Variants in CACNG2 observed in about 807,000 individuals in gnomAD.
CACNG2 encodes calcium voltage-gated channel auxiliary subunit gamma 2.
CACNG2 carries 3 observed loss-of-function variants against 25.9 expected under a neutral mutation model. The ratio of observed to expected loss-of-function variants is 0.12; its 90% CI spans 0.05 to 0.30. The LOEUF (loss-of-function observed/expected upper bound fraction) is 0.30. Ranked by LOEUF, CACNG2 falls within the 10% of genes least tolerant of loss-of-function variation. The pLI is 1.00. For missense variants in CACNG2, 341 were observed against 432.5 expected, an observed-to-expected ratio of 0.79 and a Z score of 1.88; for synonymous variants, 167 against 173.3, an observed-to-expected ratio of 0.96 and a Z score of 0.29.
At chr22:36,622,253 C>T (rs576756304) in intron 1 of CACNG2, among the ~76,000 whole-genome samples, 14 of 152,344 alleles carry the variant, frequency 9.2e-5, no homozygotes, top group Admixed American at 8.5e-4. Flanking sequence ...TACTTGAAAT[C>T]GGCAGTTCTC....
chr22:36,659,766 T>G (rs954798723), intron 1 of CACNG2, among the ~76,000 whole-genome samples: 1 of 152,112 alleles, frequency 6.6e-6, no homozygotes, highest in Non-Finnish European at 1.5e-5. Flanking sequence ...AATGCCAGCC[T>G]GTGCCAACTG....
At chr22:36,603,754 C>A (rs1236278618) in intron 1 of CACNG2, among the ~76,000 whole-genome samples, 3 of 152,152 alleles carry the variant, frequency 2.0e-5, no homozygotes, top group Non-Finnish European at 4.4e-5. Context: ...ATATTTTAAG[C>A]CCGCTATTAA....
chr22:36,660,798 C>A (rs940821527), intron 1 of CACNG2, among the ~76,000 whole-genome samples: 1 of 152,230 alleles, frequency 6.6e-6, no homozygotes, highest in African/African-American at 2.4e-5. Flanking sequence ...CTTCCCTCAT[C>A]CCAGTCCTCA....
rs141783987 is a variant in CACNG2 at position 36,702,857 on chromosome 22, G to GAA, written c.-283_-282dup. On this transcript the variant is annotated 5_prime_UTR_variant, in exon 1 of 4. Coordinates refer to ENST00000300105, the MANE Select transcript of CACNG2 (RefSeq NM_006078.5). ...AGTGTTTTTTTTTTAAAAAGAAAAG[G>GAA]AAAAAAAAAATAAAAAGACACCCCC... 278 of 223,962 alleles carry GAA rather than the reference G, an allele frequency of 1.2e-3. No individual in the cohort carries two copies. Among genetic ancestry groups the GAA allele is most frequent in the South Asian group, 3.0e-3 (36 of 11,954 alleles). 13.9% of individuals were successfully genotyped at this position (223,962 alleles called of 1,614,324 possible).
rs545133627 is a variant in CACNG2, at chr22:36,589,826, C to T, written c.212-2278G>A. Among the ~76,000 whole-genome samples the T allele has an allele frequency of 1.2e-3, 181 of 152,236 alleles. 3 individuals are homozygous for T. The highest frequency in any genetic ancestry group is 6.8e-3 in the Middle Eastern group (2 of 294). On this transcript the variant is annotated intron_variant, in intron 1 of 3. Coordinates refer to ENST00000300105, the MANE Select transcript of CACNG2 (RefSeq NM_006078.5). ...ACCTTGTTTTCCTAATCCAACCATG[C>T]ACCCTTCTCTGTGGGAAAAGTCTTC...
At position 36,600,807 on chromosome 22, in the gene CACNG2, T is replaced by C. The variant is rs540459020; in HGVS notation, c.212-13259A>G. Among the ~76,000 whole-genome samples, 26 of 152,238 alleles carry C rather than the reference T, an allele frequency of 1.7e-4. No homozygotes were observed. In the South Asian group the frequency reaches 5.4e-3, roughly 32 times the overall value. On this transcript the variant is annotated intron_variant, in intron 1 of 3. Coordinates refer to ENST00000300105, the MANE Select transcript of CACNG2 (RefSeq NM_006078.5). ...GGTGATCTGCCCGCCCTGGCCTCCC[T>C]AAGTGCTGAGATTATAGGCATGAAC... is the stretch of plus-strand genomic sequence containing the variant.
Position 36,568,813 on chromosome 22 carries a change from C to G in CACNG2, c.296-2320G>C, listed in dbSNP as rs571560478. 3.2e-4 allele frequency among the ~76,000 whole-genome samples: 49 copies of G among 151,620 alleles called. No homozygotes were observed. The South Asian group carries it at 9.0e-3, about 28-fold the overall frequency. ...GGGTGAGTGGGTTATTTGGGGGGGACCTGAAGAAGGGCAGGGCTCTTGGGG... is the reference window on the plus strand; with the variant it reads ...GGGTGAGTGGGTTATTTGGGGGGGAGCTGAAGAAGGGCAGGGCTCTTGGGG... On this transcript the variant is annotated intron_variant, in intron 2 of 3. Coordinates refer to ENST00000300105, the MANE Select transcript of CACNG2 (RefSeq NM_006078.5).
chr22:36,654,353 C>A (rs958692289), intron 1 of CACNG2, among the ~76,000 whole-genome samples: 1 of 152,090 alleles, frequency 6.6e-6, no homozygotes, highest in Non-Finnish European at 1.5e-5. Context: ...GAAGCCTCAA[C>A]TTCATAGGAT....
intron 1 of CACNG2, among the ~76,000 whole-genome samples, chr22:36,666,714 A>G (rs552397846): frequency 1.3e-5 from 2 of 151,634 alleles, no homozygotes; most frequent in South Asian, 4.2e-4. Context: ...AAATAGAAAA[A>G]AAAATAAAAC....
chr22:36,637,988 C>T (rs923895849), intron 1 of CACNG2, among the ~76,000 whole-genome samples: 1 of 151,688 alleles, frequency 6.6e-6, no homozygotes, highest in Non-Finnish European at 1.5e-5. Context: ...TGCCACTGTA[C>T]TCCAGCCTGG....
chr22:36,649,182 C>T (rs1281201607), intron 1 of CACNG2, among the ~76,000 whole-genome samples: 1 of 152,216 alleles, frequency 6.6e-6, no homozygotes, highest in African/African-American at 2.4e-5. Context: ...CCTCAATCTT[C>T]TGCCGCGGCA....
At chr22:36,586,748 G>A (rs1345268382) in intron 2 of CACNG2, among the ~76,000 whole-genome samples, 3 of 152,156 alleles carry the variant, frequency 2.0e-5, no homozygotes, top group Admixed American at 2.0e-4. Context: ...TGCTGTCCCA[G>A]GCCTCAAGGA....
chr22:36,567,646 TG>T (rs1935149398), intron 2 of CACNG2, among the ~76,000 whole-genome samples: 1 of 126,906 alleles, frequency 7.9e-6, no homozygotes, highest in East Asian at 2.2e-4. Flanking sequence ...CATGTGTTTG[TG>T]GGGGGAGCAG....
At chr22:36,578,871 C>G (rs1569018813) in intron 2 of CACNG2, among the ~76,000 whole-genome samples, 2 of 152,170 alleles carry the variant, frequency 1.3e-5, no homozygotes, top group Non-Finnish European at 2.9e-5. Flanking sequence ...GGAGGACACT[C>G]TATTTGCAGC....
chr22:36,576,564 C>CTG (rs34970467), intron 2 of CACNG2, among the ~76,000 whole-genome samples: 3 of 150,780 alleles, frequency 2.0e-5, no homozygotes, highest in African/African-American at 7.3e-5. Flanking sequence ...CAAAATGCCT[C>CTG]TGTGTGTGCG....
chr22:36,641,529 C>T (rs1457619418), intron 1 of CACNG2, among the ~76,000 whole-genome samples: 7 of 152,108 alleles, frequency 4.6e-5, no homozygotes, highest in East Asian at 1.9e-4. Flanking sequence ...TAATTCACAC[C>T]GGATTCCTGT....
intron 1 of CACNG2, among the ~76,000 whole-genome samples, chr22:36,698,418 G>C (rs919459175): frequency 6.6e-6 from 1 of 152,240 alleles, no homozygotes; most frequent in South Asian, 2.1e-4. Flanking sequence ...ACCCATGCTA[G>C]AAGGCAAGCG....
intron 1 of CACNG2, among the ~76,000 whole-genome samples, chr22:36,679,183 TTCC>T (rs1569049806): frequency 8.8e-6 from 1 of 114,060 alleles, no homozygotes; most frequent in Non-Finnish European, 2.0e-5. Context: ...CCTTCCTTCC[TTCC>T]TTCCTTCCTT....
intron 1 of CACNG2, among the ~76,000 whole-genome samples, chr22:36,607,770 C>T (rs1393412801): frequency 6.6e-6 from 1 of 152,220 alleles, no homozygotes; most frequent in Non-Finnish European, 1.5e-5. Flanking sequence ...TTGCCTGTCA[C>T]ATAGAACCAG....
Sources: allele counts gnomAD v4.1 joint callset (sites outside exome capture counted in the v4.1 genomes callset), GRCh38; gene constraint gnomAD v4.1.1; transcripts MANE v1.5; gene names NCBI Gene and HGNC (gene_info 2026-07-23, HGNC 2026-07-21).